Variants in HDAC9 observed in about 807,000 individuals in gnomAD.
The protein encoded by HDAC9 is MEF-2 interacting transcription repressor (MITR) protein.
HDAC9 carries 41 observed loss-of-function variants against 139.4 expected under a neutral mutation model. That is an observed-to-expected ratio of 0.29 (90% CI 0.23 to 0.38). HDAC9 has a LOEUF of 0.38. HDAC9 is among the 10% of genes least tolerant of loss of function. The pLI is 1.00. For synonymous variants in HDAC9, 517 were observed against 476.2 expected, an observed-to-expected ratio of 1.09 and a Z score of -1.12; for missense variants, 1,147 against 1,297.0, an observed-to-expected ratio of 0.88 and a Z score of 1.78.
intron 2 of HDAC9, among the ~76,000 whole-genome samples, chr7:18,572,900 T>A (rs1332334207): frequency 3.9e-5 from 6 of 152,180 alleles, no homozygotes. Context: ...AGTTAGCAGT[T>A]CATGTTTGTG....
intron 24 of HDAC9, among the ~76,000 whole-genome samples, chr7:18,964,765 T>G (rs757813364): frequency 1.3e-5 from 2 of 152,158 alleles, no homozygotes; most frequent in African/African-American, 4.8e-5. Flanking sequence ...TCAGATCTCC[T>G]GAGAACTCAC....
At chr7:18,625,284 AC>A (rs1231756408) in intron 6 of HDAC9, among the ~76,000 whole-genome samples, 3 of 151,934 alleles carry the variant, frequency 2.0e-5, no homozygotes, top group African/African-American at 7.3e-5. Context: ...TTCTTCCCTT[AC>A]CCTTCTCCAG....
At chr7:18,507,386 G>A (rs1294375640) in intron 2 of HDAC9, among the ~76,000 whole-genome samples, 1 of 151,500 alleles carries the variant, frequency 6.6e-6, no homozygotes, top group African/African-American at 2.4e-5. Flanking sequence ...GTAGAGACGG[G>A]GTTTCACCAT....
intron 12 of HDAC9, among the ~76,000 whole-genome samples, chr7:18,700,427 T>G (rs1584870262): frequency 6.6e-6 from 1 of 152,314 alleles, no homozygotes; most frequent in African/African-American, 2.4e-5. Flanking sequence ...CAGAAGTAAC[T>G]GAGGTAGTTG....
At chr7:18,881,346 T>C (rs1467079619) in intron 22 of HDAC9, among the ~76,000 whole-genome samples, 1 of 152,092 alleles carries the variant, frequency 6.6e-6, no homozygotes, top group African/African-American at 2.4e-5. Context: ...ACAATCTGTT[T>C]GGATTCTAAG....
intron 1 of HDAC9, among the ~76,000 whole-genome samples, chr7:18,093,080 A>G (rs1159991275): frequency 6.6e-6 from 1 of 152,176 alleles, no homozygotes; most frequent in African/African-American, 2.4e-5. Context: ...ATAGGGTGCT[A>G]TGTAGTGGGT....
At chr7:18,844,037 CA>C (rs1430884844) in intron 21 of HDAC9, among the ~76,000 whole-genome samples, 1 of 152,124 alleles carries the variant, frequency 6.6e-6, no homozygotes, top group Non-Finnish European at 1.5e-5. Context: ...ATGATAGACT[CA>C]ATTTTCCATA....
At chr7:18,784,113 C>A (rs907831899) in intron 16 of HDAC9, among the ~76,000 whole-genome samples, 2 of 129,940 alleles carry the variant, frequency 1.5e-5, no homozygotes, top group Non-Finnish European at 3.3e-5. Flanking sequence ...TCGAGTCTTT[C>A]TGGGTATTAT....
chr7:18,216,639 A>T (rs1397127566), intron 2 of HDAC9, among the ~76,000 whole-genome samples: 1 of 152,180 alleles, frequency 6.6e-6, no homozygotes, highest in Non-Finnish European at 1.5e-5. Context: ...TCGTAACTTC[A>T]TTAGTAGATT....
chr7:18,118,206 T>A (rs1026675401), intron 1 of HDAC9, among the ~76,000 whole-genome samples: 1 of 152,210 alleles, frequency 6.6e-6, no homozygotes, highest in Admixed American at 6.5e-5. Context: ...AGCCAAGTAA[T>A]CACATTTCTC....
At chr7:18,411,818 T>TC in intron 1 of HDAC9, among the ~76,000 whole-genome samples, 1 of 4,202 alleles carries the variant, frequency 2.4e-4, no homozygotes, top group Non-Finnish European at 9.4e-4. Flanking sequence ...TTCAACTTGC[T>TC]TTTTTTTTTT....
intron 1 of HDAC9, among the ~76,000 whole-genome samples, chr7:18,460,554 G>A (rs1793746906): frequency 6.6e-6 from 1 of 151,944 alleles, no homozygotes; most frequent in Non-Finnish European, 1.5e-5. Flanking sequence ...AGAGGCTGAG[G>A]CGGGTGGATA....
chr7:18,858,415 GC>G (rs1426343696), intron 21 of HDAC9, among the ~76,000 whole-genome samples: 1 of 152,120 alleles, frequency 6.6e-6, no homozygotes, highest in African/African-American at 2.4e-5. Flanking sequence ...AAAGGGGGAA[GC>G]CCCTTATAAA....
chr7:18,872,914 A>G (rs1305915115), intron 21 of HDAC9, among the ~76,000 whole-genome samples: 1 of 152,158 alleles, frequency 6.6e-6, no homozygotes, highest in Non-Finnish European at 1.5e-5. Context: ...TGGTTCAATC[A>G]TCTACTTACT....
chr7:18,408,660 A>G (rs1234135463), intron 1 of HDAC9, among the ~76,000 whole-genome samples: 1 of 152,170 alleles, frequency 6.6e-6, no homozygotes. Context: ...AAGTCATCCT[A>G]TCGGAATGTC....
At chr7:18,648,372 T>C in intron 10 of HDAC9, 94 bp from the exon 11 acceptor site, 2 of 1,073,194 alleles carry the variant, frequency 1.9e-6, no homozygotes, top group Non-Finnish European at 2.8e-6. Flanking sequence ...TCTGTTTTCT[T>C]TGGCTTCTTA....
intron 2 of HDAC9, among the ~76,000 whole-genome samples, chr7:18,544,668 G>C (rs1814169600): frequency 6.6e-6 from 1 of 152,204 alleles, no homozygotes. Context: ...ATGAGTATGA[G>C]TGGTTAATGA....
chr7:18,818,998 A>T (rs1794769532), intron 17 of HDAC9, among the ~76,000 whole-genome samples: 1 of 152,152 alleles, frequency 6.6e-6, no homozygotes, highest in African/African-American at 2.4e-5. Flanking sequence ...AAAAATGTCT[A>T]GCCAGGTACA....
At chr7:18,438,309 T>C (rs905607296) in intron 1 of HDAC9, among the ~76,000 whole-genome samples, 1 of 152,088 alleles carries the variant, frequency 6.6e-6, no homozygotes, top group African/African-American at 2.4e-5. Context: ...ATAAAAAATC[T>C]AAAAAGATTC....
Sources: allele counts gnomAD v4.1 joint callset (sites outside exome capture counted in the v4.1 genomes callset), GRCh38; gene constraint gnomAD v4.1.1; transcripts MANE v1.5; gene names NCBI Gene and HGNC (gene_info 2026-07-23, HGNC 2026-07-21).